The following LMO7 variants were observed in gnomAD, a reference collection of about 807,000 sequenced individuals.
The protein encoded by LMO7 is LIM domain 7, also known as LIM domain only protein 7.
Under a neutral mutation model 206.5 loss-of-function variants are expected in LMO7, and 120 were observed. The observed-to-expected ratio is 0.58, with a 90% CI of 0.50 to 0.68. The LOEUF (loss-of-function observed/expected upper bound fraction) is 0.68, where lower values mean the gene tolerates loss of function less well. Ranked by LOEUF, LMO7 falls within the 30% of genes least tolerant of loss-of-function variation. The probability of loss-of-function intolerance (pLI) is 0.00; values close to 1 mark genes in which losing one functional copy is unlikely to be tolerated. For missense variants in LMO7, 1,959 were observed against 1,957.9 expected (o/e 1.00, Z -0.01); for synonymous variants, 706 against 681.5 (o/e 1.04, Z -0.56).
At chr13:75,794,885 GTC>G (rs1490944482) in intron 4 of LMO7, among the ~76,000 whole-genome samples, 1 of 152,006 alleles carries the variant, frequency 6.6e-6, no homozygotes, top group Non-Finnish European at 1.5e-5. Context: ...CAGGGTCAAA[GTC>G]TCTGAGCAGT....
chr13:75,843,556 G>A (rs2059722446), intron 25 of LMO7, among the ~76,000 whole-genome samples: 1 of 152,198 alleles, frequency 6.6e-6, no homozygotes. Flanking sequence ...AAAGGGTTAT[G>A]TATGGACATC....
chr13:75,804,731 T>G, intron 8 of LMO7, 190 bp downstream of exon 8: 1 of 1,024,684 alleles, frequency 9.8e-7, no homozygotes, highest in Non-Finnish European at 1.3e-6. Flanking sequence ...TTTTAGAATG[T>G]CAGCATATGA....
At chr13:75,660,660 T>C (rs763110996) in intron 1 of LMO7, among the ~76,000 whole-genome samples, 2 of 152,332 alleles carry the variant, frequency 1.3e-5, no homozygotes, top group Middle Eastern at 3.4e-3. Context: ...TTCAGATTCT[T>C]CTGCTTACCA....
At chr13:75,853,837 A>G (rs1379362045) in intron 28 of LMO7, among the ~76,000 whole-genome samples, 1 of 152,214 alleles carries the variant, frequency 6.6e-6, no homozygotes, top group African/African-American at 2.4e-5. Context: ...GAGCGTTACA[A>G]TGCTTTTCCG....
At chr13:75,711,816 C>T (rs895985467) in intron 1 of LMO7, among the ~76,000 whole-genome samples, 14 of 152,192 alleles carry the variant, frequency 9.2e-5, no homozygotes, top group African/African-American at 2.9e-4. Context: ...GCCTTCAAAA[C>T]GTGTTTTTTC....
rs954034886 is a variant in LMO7, at chr13:75,625,441, G to C, written c.225+2121G>C. Among the ~76,000 whole-genome samples, 71 of 37,160 alleles carry C rather than the reference G, an allele frequency of 1.9e-3. No homozygotes were observed. The Middle Eastern group carries it at 0.036, about 19-fold the overall frequency. 24.4% of individuals were successfully genotyped at this position (37,160 alleles called of 152,430 possible). On this transcript the variant is annotated intron_variant, in intron 2 of 29. Transcript: ENST00000341547. ...AGTGTGTGTGCATGTGTGTGTGTGTGTGTGTGTGTGTGTGCATGTGCATGT... is the reference window on the plus strand; with the variant it reads ...AGTGTGTGTGCATGTGTGTGTGTGTCTGTGTGTGTGTGTGCATGTGCATGT...
At chr13:75,692,395 C>G (rs1247672229) in intron 1 of LMO7, among the ~76,000 whole-genome samples, 2 of 144,764 alleles carry the variant, frequency 1.4e-5, no homozygotes, top group African/African-American at 5.1e-5. Context: ...GTTTCTTTTC[C>G]TTTTTTTTTT....
At chr13:75,663,408 T>TTTTCTTTCTTTCTTTC (rs61405381) in intron 1 of LMO7, among the ~76,000 whole-genome samples, 16,163 of 113,820 alleles carry the variant, frequency 0.14, 1,829 homozygotes, top group East Asian at 0.24. Context: ...GTGAATTCTT[T>TTTTCTTTCTTTCTTTC]TTTCTTTCTT....
intron 27 of LMO7, among the ~76,000 whole-genome samples, chr13:75,852,068 A>G (rs973246330): frequency 1.3e-5 from 2 of 152,220 alleles, no homozygotes; most frequent in African/African-American, 2.4e-5. Flanking sequence ...ATTTCTTTGA[A>G]TTTTTAAAAG....
intron 19 of LMO7, among the ~76,000 whole-genome samples, chr13:75,837,922 A>G (rs1005196546): frequency 6.6e-6 from 1 of 152,190 alleles, no homozygotes; most frequent in Non-Finnish European, 1.5e-5. Context: ...GTTTATTAAT[A>G]AAAATATTCA....
intron 19 of LMO7, among the ~76,000 whole-genome samples, 194 bp from the exon 20 acceptor site, chr13:75,837,946 T>A (rs2059258613): frequency 6.6e-6 from 1 of 152,322 alleles, no homozygotes; most frequent in Admixed American, 6.5e-5. Flanking sequence ...CTTCTACTAA[T>A]TTGAATGTAA....
chr13:75,858,756 G>C lies in LMO7; in HGVS notation c.*813G>C, dbSNP rs541079683. On this transcript the variant is annotated 3_prime_UTR_variant, in exon 31 of 31. Coordinates refer to ENST00000377534, the MANE Select transcript of LMO7 (RefSeq NM_001306080.2). The stretch of plus-strand genomic sequence containing the variant: ...CATATTTCAGTATGTGGCCTTTTTT[G>C]ATGTTATGTTTTATCCAGTAGCTTT... 1 of 152,562 alleles carries C rather than the reference G, an allele frequency of 6.6e-6. No homozygotes were observed. Among genetic ancestry groups the C allele is most frequent in the East Asian group, 1.9e-4 (1 of 5,182 alleles). 9.5% of individuals were successfully genotyped at this position (152,562 alleles called of 1,614,324 possible).
At chr13:75,818,799 A>G (rs1259438524) in intron 12 of LMO7, among the ~76,000 whole-genome samples, 1 of 152,156 alleles carries the variant, frequency 6.6e-6, no homozygotes, top group African/African-American at 2.4e-5. Context: ...CCACTGTCTC[A>G]TGCAATCCTG....
At chr13:75,701,296 C>G (rs2042272032) in intron 1 of LMO7, among the ~76,000 whole-genome samples, 1 of 152,136 alleles carries the variant, frequency 6.6e-6, no homozygotes, top group Non-Finnish European at 1.5e-5. Context: ...CTTAATAATA[C>G]CAAACTTAAA....
intron 1 of LMO7, among the ~76,000 whole-genome samples, chr13:75,709,409 C>T (rs2042905517): frequency 6.6e-6 from 1 of 151,970 alleles, no homozygotes; most frequent in Non-Finnish European, 1.5e-5. Flanking sequence ...TTTACAGTCC[C>T]ACCACCAGTG....
chr13:75,737,881 C>T (rs1202549550), intron 3 of LMO7, among the ~76,000 whole-genome samples: 1 of 117,632 alleles, frequency 8.5e-6, no homozygotes, highest in African/African-American at 3.5e-5. Flanking sequence ...ACAAAAATGT[C>T]CTCTGTACTC....
At chr13:75,661,119 C>A (rs1244726661) in intron 1 of LMO7, among the ~76,000 whole-genome samples, 1 of 152,088 alleles carries the variant, frequency 6.6e-6, no homozygotes, top group East Asian at 1.9e-4. Flanking sequence ...TTCTTTGGAC[C>A]TCTGTTGTAT....
chr13:75,727,125 A>T lies in LMO7; in HGVS notation c.210+27A>T, dbSNP rs374236242. The T allele has an allele frequency of 6.3e-5, 87 of 1,391,596 alleles. No homozygotes were observed. In the African/African-American group the frequency reaches 1.1e-3, roughly 17 times the overall value. 86.2% of individuals were successfully genotyped at this position (1,391,596 alleles called of 1,614,324 possible). On this transcript the variant is annotated intron_variant, in intron 3 of 30. Transcript: ENST00000377534. ...TAAGTAGTAAATTATCTTCACAACTAAATTTATTTGTCTTTGAAATGTAAA... is the reference window on the plus strand; with the variant it reads ...TAAGTAGTAAATTATCTTCACAACTTAATTTATTTGTCTTTGAAATGTAAA...
In LMO7 at chr13:75,713,237, G is replaced by A. The variant is rs146762127; in HGVS notation, c.125G>A (p.Gly42Asp). 13 of 1,608,642 alleles carry A rather than the reference G, an allele frequency of 8.1e-6. No individual in the cohort carries two copies. Among genetic ancestry groups the A allele is most frequent in the Admixed American group, 1.7e-5 (1 of 59,690 alleles). The change falls in exon 2 of 31, where the codon GGT becomes GAT. Residue 42 changes from glycine (G) to aspartate (D), a missense_variant. Physicochemically the swap from Gly to Asp is moderately conservative, Grantham distance 94. Transcript: ENST00000377534. ...TKDFRASLEN[G>D]VLLCDLINKL... The stretch of plus-strand genomic sequence containing the variant: ...GATTTTCGAGCCTCTCTAGAAAATG[G>A]TGTTCTGCTGTGTGAGTAAGTATTT...
Sources: gnomAD v4.1 joint callset for allele counts (sites outside exome capture counted in the v4.1 genomes callset) on GRCh38, gnomAD v4.1.1 for gene constraint, MANE v1.5 for transcripts, NCBI Gene and HGNC (gene_info 2026-07-23, HGNC 2026-07-21) for gene names.